CTNNA2: variants seen among roughly 807,000 people sequenced by gnomAD.
CTNNA2 encodes the protein catenin alpha-2.
A neutral mutation model predicts 101.0 loss-of-function variants in CTNNA2; 42 were observed. That is an observed-to-expected ratio of 0.42 (90% CI 0.32 to 0.54). The LOEUF is 0.54. CTNNA2 is among the 20% of genes least tolerant of loss of function. The probability of loss-of-function intolerance (pLI) is 0.14; values close to 1 mark genes in which losing one functional copy is unlikely to be tolerated. For missense variants in CTNNA2, 871 were observed against 1,223.1 expected, an observed-to-expected ratio of 0.71 and a Z score of 4.29; for synonymous variants, 450 against 456.4, an observed-to-expected ratio of 0.99 and a Z score of 0.18.
intron 4 of CTNNA2, among the ~76,000 whole-genome samples, chr2:79,468,370 T>C (rs1670961630): frequency 1.3e-5 from 2 of 152,110 alleles, no homozygotes; most frequent in South Asian, 4.1e-4. Flanking sequence ...AGCACCCAGA[T>C]TCATAAAGCA....
chr2:79,554,543 G>T (rs10520246), intron 1 of CTNNA2, among the ~76,000 whole-genome samples: 7,332 of 152,188 alleles, frequency 0.048, 247 homozygotes, highest in Non-Finnish European at 0.07. Context: ...TATTAAGGTA[G>T]TTTTGTCATA....
At chr2:80,231,134 G>A (rs965679632) in intron 7 of CTNNA2, among the ~76,000 whole-genome samples, 1 of 151,964 alleles carries the variant, frequency 6.6e-6, no homozygotes, top group South Asian at 2.1e-4. Flanking sequence ...ACCATCCCCC[G>A]CTAATTTTTT....
chr2:80,148,420 C>A (rs1354337856), intron 7 of CTNNA2, among the ~76,000 whole-genome samples: 1 of 152,224 alleles, frequency 6.6e-6, no homozygotes, highest in African/African-American at 2.4e-5. Context: ...ATCACTGATC[C>A]AGCTGGCATG....
chr2:79,709,763 G>T (rs1273471784), intron 2 of CTNNA2, among the ~76,000 whole-genome samples: 1 of 152,082 alleles, frequency 6.6e-6, no homozygotes, highest in Non-Finnish European at 1.5e-5. Context: ...ATAGGATGGG[G>T]TAGGGTGGGG....
intron 3 of CTNNA2, among the ~76,000 whole-genome samples, chr2:79,751,761 A>G (rs1672063466): frequency 6.6e-6 from 1 of 152,030 alleles, no homozygotes; most frequent in Non-Finnish European, 1.5e-5. Flanking sequence ...GATATTTTAG[A>G]AAGATTAATA....
At chr2:79,934,267 C>G (rs959507340) in intron 7 of CTNNA2, among the ~76,000 whole-genome samples, 1 of 152,190 alleles carries the variant, frequency 6.6e-6, no homozygotes, top group Non-Finnish European at 1.5e-5. Context: ...GATTACAGAA[C>G]TTAACTATAT....
At chr2:80,569,874 C>T (rs1375363600) in intron 12 of CTNNA2, among the ~76,000 whole-genome samples, 1 of 151,692 alleles carries the variant, frequency 6.6e-6, no homozygotes, top group African/African-American at 2.4e-5. Context: ...GATCTCCTGA[C>T]CTCGTGATCC....
At chr2:79,543,058 G>A (rs2104000074) in intron 1 of CTNNA2, among the ~76,000 whole-genome samples, 1 of 152,074 alleles carries the variant, frequency 6.6e-6, no homozygotes, top group African/African-American at 2.4e-5. Flanking sequence ...TTCTTCTTGG[G>A]AAGTATTTTC....
chr2:79,977,278 T>C (rs1180838077), intron 7 of CTNNA2, among the ~76,000 whole-genome samples: 1 of 151,546 alleles, frequency 6.6e-6, no homozygotes, highest in African/African-American at 2.4e-5. Context: ...TCTTCTTTGA[T>C]ATGAGAGATG....
intron 9 of CTNNA2, among the ~76,000 whole-genome samples, chr2:80,426,215 C>G (rs1680977499): frequency 6.6e-6 from 1 of 152,150 alleles, no homozygotes; most frequent in Non-Finnish European, 1.5e-5. Flanking sequence ...ACGTCTAAGC[C>G]TTCTGGAGAA....
chr2:79,426,128 T>C (rs1678590180), intron 4 of CTNNA2, among the ~76,000 whole-genome samples: 1 of 152,136 alleles, frequency 6.6e-6, no homozygotes, highest in South Asian at 2.1e-4. Context: ...CCTGAAACAT[T>C]TTGTGAAATA....
At chr2:79,253,560 A>G (rs536205033) in intron 2 of CTNNA2, among the ~76,000 whole-genome samples, 2 of 152,208 alleles carry the variant, frequency 1.3e-5, no homozygotes, top group Admixed American at 6.5e-5. Flanking sequence ...AGGAACCCCA[A>G]ATCGGTTCAG....
chr2:79,888,699 A>T (rs1348251273), intron 6 of CTNNA2, among the ~76,000 whole-genome samples: 1 of 152,174 alleles, frequency 6.6e-6, no homozygotes, highest in Admixed American at 6.5e-5. Flanking sequence ...GAGGCAGCGA[A>T]AAATGTAAGA....
chr2:79,785,050 C>T (rs1341941060), intron 3 of CTNNA2, among the ~76,000 whole-genome samples: 1 of 152,018 alleles, frequency 6.6e-6, no homozygotes, highest in African/African-American at 2.4e-5. Context: ...GTCTTTCTAC[C>T]TCTCTGATCC....
At chr2:79,817,178 C>T (rs1046575505) in intron 3 of CTNNA2, among the ~76,000 whole-genome samples, 10 of 151,954 alleles carry the variant, frequency 6.6e-5, no homozygotes, top group African/African-American at 2.4e-4. Flanking sequence ...TAATTCTATC[C>T]CTTCCCCCTA....
At chr2:79,561,084 T>C (rs1233261529) in intron 1 of CTNNA2, among the ~76,000 whole-genome samples, 6 of 151,902 alleles carry the variant, frequency 3.9e-5, no homozygotes, top group Non-Finnish European at 8.8e-5. Context: ...ATAGCAATCA[T>C]TCTCCAATTT....
At chr2:80,219,990 A>C (rs1186588195) in intron 7 of CTNNA2, among the ~76,000 whole-genome samples, 1 of 152,168 alleles carries the variant, frequency 6.6e-6, no homozygotes, top group Non-Finnish European at 1.5e-5. Context: ...CAAACAAAAA[A>C]AACACAAAAA....
intron 9 of CTNNA2, among the ~76,000 whole-genome samples, chr2:80,457,927 G>A (rs1166625228): frequency 6.6e-6 from 1 of 152,162 alleles, no homozygotes; most frequent in Non-Finnish European, 1.5e-5. Flanking sequence ...TTTTGAACAT[G>A]TGAAAAATGA....
intron 7 of CTNNA2, among the ~76,000 whole-genome samples, chr2:79,964,939 T>C (rs1171868621): frequency 6.6e-6 from 1 of 152,206 alleles, no homozygotes; most frequent in African/African-American, 2.4e-5. Context: ...GGGATGCCAA[T>C]ATTTCACCTC....
Sources: allele counts gnomAD v4.1 joint callset (sites outside exome capture counted in the v4.1 genomes callset), GRCh38; gene constraint gnomAD v4.1.1; transcripts MANE v1.5; gene names NCBI Gene and HGNC (gene_info 2026-07-23, HGNC 2026-07-21).